Variants in CCDC18 observed in about 807,000 individuals in gnomAD.
The protein encoded by CCDC18 is coiled-coil domain containing 18.
In CCDC18, 157 loss-of-function variants were observed where a neutral mutation model predicts 196.0. The observed-to-expected ratio is 0.80, with a 90% CI of 0.70 to 0.91. CCDC18 has a LOEUF of 0.91. Ranked by LOEUF, CCDC18 falls within the 40% of genes least tolerant of loss-of-function variation. The pLI is 0.00. For synonymous variants in CCDC18, 482 were observed against 529.2 expected (o/e 0.91, Z 1.22); for missense variants, 1,465 against 1,611.6 (o/e 0.91, Z 1.56).
intron 12 of CCDC18, among the ~76,000 whole-genome samples, chr1:93,215,186 G>A (rs1289252008): frequency 1.3e-5 from 2 of 152,122 alleles, no homozygotes; most frequent in Admixed American, 6.6e-5. Flanking sequence ...ACTGTAGTGG[G>A]TAAAAGTCTC....
chr1:93,180,940 T>G, intron 1 of CCDC18, 88 bp downstream of exon 1: 1 of 1,262,968 alleles, frequency 7.9e-7, no homozygotes, highest in Non-Finnish European at 1.1e-6. Context: ...TTCTGTTCCT[T>G]TCCCTCCCGG....
At position 93,239,666 on chromosome 1, in the gene CCDC18, T is replaced by C. The variant is rs754258277; in HGVS notation, c.2768-17T>C. On this transcript the variant is annotated splice_polypyrimidine_tract_variant and intron_variant, in intron 20 of 28. Coordinates refer to ENST00000690025, the MANE Select transcript of CCDC18 (RefSeq NM_001378204.1). ...TGGTTTACATATAGTTATAAAATTA[T>C]TCTCTCCTCTTAATAGTAAAGGAGT... 6.6e-7 allele frequency: 1 copy of C among 1,526,384 alleles called. No homozygotes were observed. Among genetic ancestry groups the C allele is most frequent in the South Asian group, 1.2e-5 (1 of 85,104 alleles). The allele number at this position is 1,526,384 out of a possible 1,614,324, so 94.6% of individuals were successfully genotyped here.
chr1:93,217,711 C>T (rs369687479), intron 13 of CCDC18, 27 bp from the exon 14 acceptor site: 18 of 1,570,290 alleles, frequency 1.1e-5, no homozygotes, highest in Non-Finnish European at 1.0e-5. Context: ...ATCAATTATA[C>T]TCCTTTAAAG....
chr1:93,276,405 T>C (rs1665624181), intron 28 of CCDC18, among the ~76,000 whole-genome samples: 1 of 152,222 alleles, frequency 6.6e-6, no homozygotes. Flanking sequence ...ATTCTAATCC[T>C]GTTTTGGATT....
In CCDC18 at chr1:93,260,604, G is replaced by GT. The variant is rs1362091593; in HGVS notation, c.3684+1727dup. Among the ~76,000 whole-genome samples, 10 of 151,528 alleles carry GT rather than the reference G, an allele frequency of 6.6e-5. 1 individual carries two copies. In the Middle Eastern group the frequency reaches 0.01, roughly 155 times the overall value. On this transcript the variant is annotated intron_variant, in intron 26 of 28. Transcript: ENST00000690025. The stretch of plus-strand genomic sequence containing the variant: ...AAAAGAGGATCAATAATTTTTAACA[G>GT]TTTTTTTTATTATACTTTCTTTTTT...
At chr1:93,257,553 A>T (rs1663179889) in intron 25 of CCDC18, among the ~76,000 whole-genome samples, 1 of 151,764 alleles carries the variant, frequency 6.6e-6, no homozygotes, top group African/African-American at 2.4e-5. Flanking sequence ...ATTCAATTCC[A>T]TAGGAACTGA....
intron 13 of CCDC18, among the ~76,000 whole-genome samples, chr1:93,217,364 A>G (rs183035258): frequency 3.9e-4 from 60 of 152,354 alleles, no homozygotes; most frequent in Non-Finnish European, 6.6e-4. Flanking sequence ...AGTTTGAAGT[A>G]TAAACTACTG....
rs749547604 is a variant in CCDC18, at chr1:93,184,093, G to A, written c.250G>A (p.Val84Ile). The A allele has an allele frequency of 6.4e-6, 10 of 1,569,018 alleles. No homozygotes were observed. The highest frequency in any genetic ancestry group is 1.2e-5 in the South Asian group (1 of 82,920). Reference protein sequence around the residue: ...GLLNYSPYENVCKISGSSTDF... With the variant: ...GLLNYSPYENICKISGSSTDF... Reference sequence around the variant, plus strand: ...TTTGAATTATTCACCTTATGAAAACGTCTGTAAAATATCTGGTAGCAGCAC... The same window carrying A: ...TTTGAATTATTCACCTTATGAAAACATCTGTAAAATATCTGGTAGCAGCAC... Residue 84 changes from valine (V) to isoleucine (I), a missense_variant, in exon 3 of 29, where the codon GTC becomes ATC. By Grantham distance (29) the Val-to-Ile change is conservative. Transcript: ENST00000690025.
rs1410780136 is a variant in CCDC18 at position 93,236,275 on chromosome 1, A to G, written c.2488A>G (p.Lys830Glu). The change falls in exon 19 of 29, where the codon AAA (lysine) becomes GAA (glutamate). Residue 830 changes from lysine to glutamate, a missense_variant. Physicochemically the swap from Lys to Glu is moderately conservative, Grantham distance 56 (BLOSUM62 1). Coordinates refer to ENST00000690025, the MANE Select transcript of CCDC18 (RefSeq NM_001378204.1). ...QVSKLEQELQ[K>E]QRESSAEKLR... ...GTCAAAACTGGAACAAGAACTTCAA[A>G]AACAAAGGGAAAGTTCAGCTGAAAA... 26 of 1,575,816 alleles carry G rather than the reference A, an allele frequency of 1.6e-5. No individual in the cohort carries two copies. The highest frequency in any genetic ancestry group is 2.2e-5 in the Non-Finnish European group (26 of 1,168,938).
intron 9 of CCDC18, 123 bp downstream of exon 9, chr1:93,207,521 A>C: frequency 1.5e-6 from 1 of 684,124 alleles, no homozygotes; most frequent in Non-Finnish European, 2.3e-6. Flanking sequence ...TTAGTCATGA[A>C]TTTCTCTTCT....
intron 23 of CCDC18, among the ~76,000 whole-genome samples, chr1:93,251,317 T>A (rs1480648957): frequency 6.6e-6 from 1 of 152,242 alleles, no homozygotes; most frequent in Non-Finnish European, 1.5e-5. Flanking sequence ...TAAATTGTTG[T>A]AATTATTATT....
intron 18 of CCDC18, 66 bp downstream of exon 18, chr1:93,232,659 AT>A (rs1335933571): frequency 7.1e-6 from 9 of 1,265,330 alleles, no homozygotes; most frequent in Non-Finnish European, 8.8e-6. Flanking sequence ...TCATGAATAG[AT>A]TTTTCGTTAG....
At chr1:93,204,294 A>G (rs1309599896) in intron 7 of CCDC18, among the ~76,000 whole-genome samples, 1 of 152,144 alleles carries the variant, frequency 6.6e-6, no homozygotes, top group Non-Finnish European at 1.5e-5. Flanking sequence ...ATAAAAACAG[A>G]AAAAAGTTTT....
chr1:93,264,917 A>G lies in CCDC18; in HGVS notation c.3885+16A>G, dbSNP rs1329664497. ...ACTTACTAAAGTAAGTAAACATATA[A>G]AAGTAATAAAGCATATCTATGAAAA... On this transcript the variant is annotated intron_variant, in intron 27 of 28. Transcript: ENST00000690025. 1 of 1,499,014 alleles carries G rather than the reference A, an allele frequency of 6.7e-7. No homozygotes were observed. The highest frequency in any genetic ancestry group is 1.1e-5 in the South Asian group (1 of 88,340). The allele number at this position is 1,499,014 out of a possible 1,614,324, so 92.9% of individuals were successfully genotyped here.
chr1:93,260,460 A>G (rs939740786), intron 26 of CCDC18, among the ~76,000 whole-genome samples: 1 of 152,192 alleles, frequency 6.6e-6, no homozygotes, highest in Admixed American at 6.5e-5. Flanking sequence ...TATTTTGTCT[A>G]TAATATTGAA....
chr1:93,201,923 A>G lies in CCDC18; in HGVS notation c.730A>G (p.Asn244Asp). ...ACGACAAAGGAATGAAGCACTATAT[A>G]ATGCCGAAGAGCTGAGTAAAGCTTT... ...AERQRNEALYNAEELSKAFQQ... is the reference protein window; with the variant it reads ...AERQRNEALYDAEELSKAFQQ... Residue 244 changes from asparagine to aspartate, a missense_variant, in exon 7 of 29, where the codon AAT (asparagine) becomes GAT (aspartate). By Grantham distance (23) the Asn-to-Asp change is conservative. Transcript: ENST00000690025. 6.2e-7 allele frequency: 1 copy of G among 1,607,274 alleles called. No individual in the cohort carries two copies. Among genetic ancestry groups the G allele is most frequent in the South Asian group, 1.1e-5 (1 of 89,492 alleles).
intron 14 of CCDC18, among the ~76,000 whole-genome samples, chr1:93,218,235 TA>T (rs778727963): frequency 3.3e-5 from 5 of 150,748 alleles, no homozygotes; most frequent in Non-Finnish European, 4.4e-5. Context: ...CAAGACACAG[TA>T]AAAAAAAATA....
intron 21 of CCDC18, among the ~76,000 whole-genome samples, chr1:93,241,723 C>CAAAAAAAAA (rs35810581): frequency 1.2e-4 from 7 of 59,918 alleles, no homozygotes; most frequent in East Asian, 5.2e-4. Context: ...GACTCCATCT[C>CAAAAAAAAA]AAAAAAAAAA....
intron 16 of CCDC18, among the ~76,000 whole-genome samples, chr1:93,223,227 A>G (rs1284085987): frequency 6.6e-6 from 1 of 152,222 alleles, no homozygotes; most frequent in Non-Finnish European, 1.5e-5. Flanking sequence ...TAATAGCCAG[A>G]TATGAGATGG....
Sources: allele counts gnomAD v4.1 joint callset (sites outside exome capture counted in the v4.1 genomes callset), GRCh38; gene constraint gnomAD v4.1.1; transcripts MANE v1.5; gene names NCBI Gene and HGNC (gene_info 2026-07-23, HGNC 2026-07-21).